Variants in UBASH3B observed in about 807,000 individuals in gnomAD.
UBASH3B encodes ubiquitin associated and SH3 domain containing B.
In UBASH3B, 37 loss-of-function variants were observed where a neutral mutation model predicts 83.4. The observed-to-expected ratio is 0.44, with a 90% CI of 0.34 to 0.58. The LOEUF (loss-of-function observed/expected upper bound fraction) is 0.58, where lower values mean the gene tolerates loss of function less well. UBASH3B is among the 20% of genes least tolerant of loss of function. The pLI, the probability that UBASH3B is intolerant of heterozygous loss-of-function variation, is 0.01. For missense variants in UBASH3B, 657 were observed against 827.2 expected, an observed-to-expected ratio of 0.79 and a Z score of 2.52; for synonymous variants, 304 against 318.3, an observed-to-expected ratio of 0.96 and a Z score of 0.48.
chr11:122,762,431 G>A (rs1861386648), intron 1 of UBASH3B, among the ~76,000 whole-genome samples: 1 of 152,204 alleles, frequency 6.6e-6, no homozygotes, highest in Non-Finnish European at 1.5e-5. Context: ...GAGCCTGACT[G>A]TGGACACCAG....
At chr11:122,716,244 C>A (rs1183677289) in intron 1 of UBASH3B, among the ~76,000 whole-genome samples, 1 of 152,252 alleles carries the variant, frequency 6.6e-6, no homozygotes, top group Non-Finnish European at 1.5e-5. Context: ...CAATCCATGA[C>A]TCACTGCGGC....
chr11:122,731,196 A>G (rs536208179), intron 1 of UBASH3B, among the ~76,000 whole-genome samples: 39 of 152,224 alleles, frequency 2.6e-4, no homozygotes, highest in Non-Finnish European at 2.9e-4. Context: ...CTAAGCAATT[A>G]TCATGCACTA....
intron 1 of UBASH3B, among the ~76,000 whole-genome samples, chr11:122,689,572 CAT>C (rs1488431500): frequency 6.6e-5 from 10 of 152,242 alleles, no homozygotes; most frequent in Non-Finnish European, 1.2e-4. Flanking sequence ...TCTATGAACA[CAT>C]GTGGAGGTTT....
chr11:122,799,136 A>T (rs555751502), intron 10 of UBASH3B, 102 bp downstream of exon 10: 1 of 975,236 alleles, frequency 1.0e-6, no homozygotes, highest in South Asian at 1.5e-5. Flanking sequence ...GCCAGTTGAA[A>T]GCTTTGAATC....
At chr11:122,689,155 G>A (rs1188750851) in intron 1 of UBASH3B, among the ~76,000 whole-genome samples, 3 of 152,142 alleles carry the variant, frequency 2.0e-5, no homozygotes, top group East Asian at 1.9e-4. Context: ...AAAAAGTAAC[G>A]TATGTTTATT....
At chr11:122,702,087 T>C (rs1345638727) in intron 1 of UBASH3B, among the ~76,000 whole-genome samples, 1 of 152,194 alleles carries the variant, frequency 6.6e-6, no homozygotes, top group Non-Finnish European at 1.5e-5. Context: ...TGCTGTGTTC[T>C]TTACTTCTCT....
intron 9 of UBASH3B, among the ~76,000 whole-genome samples, 169 bp from the exon 10 acceptor site, chr11:122,798,773 G>A (rs1269374591): frequency 6.6e-6 from 1 of 151,630 alleles, no homozygotes; most frequent in Non-Finnish European, 1.5e-5. Context: ...GAACGCCGAT[G>A]AGGGGTTTTG....
At chr11:122,719,547 T>C (rs1860586461) in intron 1 of UBASH3B, among the ~76,000 whole-genome samples, 1 of 152,212 alleles carries the variant, frequency 6.6e-6, no homozygotes. Flanking sequence ...ACCAGGCATC[T>C]ATGTATCCCA....
chr11:122,674,488 C>T (rs1477235317), intron 1 of UBASH3B, among the ~76,000 whole-genome samples: 5 of 151,230 alleles, frequency 3.3e-5, no homozygotes, highest in African/African-American at 1.2e-4. Context: ...TCACGCCATT[C>T]TCCTGCCTCA....
At chr11:122,768,697 G>T (rs1343750428) in intron 1 of UBASH3B, among the ~76,000 whole-genome samples, 1 of 151,904 alleles carries the variant, frequency 6.6e-6, no homozygotes, top group Non-Finnish European at 1.5e-5. Flanking sequence ...GTAGAGACAG[G>T]GTTTCACCAT....
intron 1 of UBASH3B, among the ~76,000 whole-genome samples, chr11:122,661,675 C>T (rs778184551): frequency 6.6e-6 from 1 of 152,078 alleles, no homozygotes; most frequent in Non-Finnish European, 1.5e-5. Context: ...TTAGATACCC[C>T]ACAGCAGTCT....
intron 1 of UBASH3B, among the ~76,000 whole-genome samples, chr11:122,690,200 ATATATATATCCAAT>A (rs1200823464): frequency 0.039 from 1,142 of 29,112 alleles, 72 homozygotes; most frequent in Non-Finnish European, 0.059. Flanking sequence ...ATATATATAT[ATATATATATCCAAT>A]TATATATATA....
Position 122,690,396 on chromosome 11 carries a change from G to T in UBASH3B, c.161+34186G>T, listed in dbSNP as rs1863879932. 5.3e-5 allele frequency among the ~76,000 whole-genome samples: 8 copies of T among 150,182 alleles called. No homozygotes were observed. The South Asian group carries it at 1.7e-3, about 31-fold the overall frequency. On this transcript the variant is annotated intron_variant, in intron 1 of 13. Coordinates refer to ENST00000284273, the MANE Select transcript of UBASH3B (RefSeq NM_032873.5). Reference sequence around the variant, plus strand: ...TACATATAGTTAGCTCTCCATAAATGGTAGCTACTATTCTGAGCTTACTTT... The same window carrying T: ...TACATATAGTTAGCTCTCCATAAATTGTAGCTACTATTCTGAGCTTACTTT...
intron 1 of UBASH3B, among the ~76,000 whole-genome samples, chr11:122,742,650 G>A (rs4144903): frequency 3.2e-4 from 48 of 151,704 alleles, no homozygotes; most frequent in Non-Finnish European, 6.3e-4. Flanking sequence ...GAACCCCCTT[G>A]GTCAGGAATA....
intron 1 of UBASH3B, among the ~76,000 whole-genome samples, chr11:122,723,929 CTCTTTTGTCCTAGCTGGT>C (rs1000972451): frequency 1.3e-5 from 2 of 152,162 alleles, no homozygotes; most frequent in Non-Finnish European, 2.9e-5. Context: ...GAGAGCAGGG[CTCTTTTGTCCTAGCTGGT>C]TCTGTGTCAT....
intron 6 of UBASH3B, among the ~76,000 whole-genome samples, chr11:122,792,291 C>G (rs1014107777): frequency 6.6e-6 from 1 of 150,616 alleles, no homozygotes; most frequent in African/African-American, 2.4e-5. Context: ...GACAATAAAA[C>G]TGGATTTTCT....
intron 1 of UBASH3B, among the ~76,000 whole-genome samples, chr11:122,721,020 C>A (rs148255945): frequency 6.6e-6 from 1 of 151,686 alleles, no homozygotes; most frequent in African/African-American, 2.4e-5. Context: ...CCGAGGTGGG[C>A]AGATCACAAG....
At chr11:122,754,751 G>A (rs978831428) in intron 1 of UBASH3B, among the ~76,000 whole-genome samples, 2 of 152,210 alleles carry the variant, frequency 1.3e-5, no homozygotes, top group Non-Finnish European at 2.9e-5. Context: ...AGAAAAAGAA[G>A]AGAATCCGCA....
intron 1 of UBASH3B, among the ~76,000 whole-genome samples, chr11:122,673,460 A>G (rs903474850): frequency 4.6e-5 from 7 of 152,294 alleles, no homozygotes; most frequent in Admixed American, 1.3e-4. Flanking sequence ...CATCCTGGCT[A>G]ACACGGTGAA....
Sources: gnomAD v4.1 joint callset for allele counts (sites outside exome capture counted in the v4.1 genomes callset) on GRCh38, gnomAD v4.1.1 for gene constraint, MANE v1.5 for transcripts, NCBI Gene and HGNC (gene_info 2026-07-23, HGNC 2026-07-21) for gene names.